KLHL32: variants seen among roughly 807,000 people sequenced by gnomAD.
KLHL32 encodes kelch-like protein 32.
A neutral mutation model predicts 64.8 loss-of-function variants in KLHL32; 35 were observed. The observed-to-expected ratio is 0.54, with a 90% CI of 0.41 to 0.72. The LOEUF is 0.72. KLHL32 is among the 30% of genes least tolerant of loss of function. The pLI is 0.00. For synonymous variants in KLHL32, 259 were observed against 281.0 expected, an observed-to-expected ratio of 0.92 and a Z score of 0.78; for missense variants, 589 against 768.5, an observed-to-expected ratio of 0.77 and a Z score of 2.76.
intron 1 of KLHL32, among the ~76,000 whole-genome samples, chr6:96,962,064 A>G (rs904317917): frequency 6.6e-6 from 1 of 152,196 alleles, no homozygotes; most frequent in Non-Finnish European, 1.5e-5. Flanking sequence ...CAGTTTTAAG[A>G]TCAACTAGAA....
chr6:97,027,900 T>C (rs963529544), intron 3 of KLHL32, among the ~76,000 whole-genome samples: 2 of 152,280 alleles, frequency 1.3e-5, no homozygotes, highest in East Asian at 3.9e-4. Flanking sequence ...TGTATATATT[T>C]GAAAGGCTAT....
chr6:97,035,103 T>G (rs1303837634), intron 3 of KLHL32, among the ~76,000 whole-genome samples: 6 of 152,080 alleles, frequency 3.9e-5, no homozygotes. Flanking sequence ...AGTATTTGCC[T>G]TGATTCTTCT....
intron 5 of KLHL32, among the ~76,000 whole-genome samples, chr6:97,073,667 G>T (rs1294371105): frequency 2.0e-5 from 3 of 151,688 alleles, no homozygotes; most frequent in Non-Finnish European, 4.4e-5. Context: ...TAGAAACTTT[G>T]ATTATAAAGT....
At chr6:96,918,249 TA>T in the KLHL32 span, among the ~76,000 whole-genome samples, 1 of 152,210 alleles carries the variant, frequency 6.6e-6, no homozygotes, top group African/African-American at 2.4e-5. Flanking sequence ...AGCTCATAGG[TA>T]AAATACCTTT....
At position 96,933,113 on chromosome 6, in the gene KLHL32, G is replaced by A. The variant is rs112525045; in HGVS notation, c.-66+8087G>A. On this transcript the variant is annotated intron_variant, in intron 1 of 10. Coordinates refer to ENST00000369261, the MANE Select transcript of KLHL32 (RefSeq NM_052904.4). ...ATTTCACTAGCATGGAATTAGGACA[G>A]GATGAATTAGTTACATGGTTTATCT... Among the ~76,000 whole-genome samples, 207 of 152,290 alleles carry A rather than the reference G, an allele frequency of 1.4e-3. 1 individual carries two copies. Among genetic ancestry groups the A allele is most frequent in the African/African-American group, 4.7e-3 (194 of 41,552 alleles).
intron 1 of KLHL32, among the ~76,000 whole-genome samples, chr6:96,962,264 G>A (rs1329231332): frequency 3.9e-5 from 6 of 152,178 alleles, no homozygotes; most frequent in Non-Finnish European, 8.8e-5. Flanking sequence ...TAAGAGGTTA[G>A]ACCCCATCAA....
chr6:96,913,372 A>C, the KLHL32 span, among the ~76,000 whole-genome samples: 1 of 152,206 alleles, frequency 6.6e-6, no homozygotes, highest in Non-Finnish European at 1.5e-5. Context: ...TGTAGGTCCC[A>C]GCTTGACTAT....
At chr6:97,034,000 A>G (rs1284943517) in intron 3 of KLHL32, among the ~76,000 whole-genome samples, 1 of 151,998 alleles carries the variant, frequency 6.6e-6, no homozygotes, top group Admixed American at 6.6e-5. Flanking sequence ...AATCTGTTGA[A>G]TGTTTCCTTT....
intron 1 of KLHL32, among the ~76,000 whole-genome samples, chr6:96,932,253 AAT>A (rs1769997387): frequency 1.1e-5 from 1 of 87,710 alleles, no homozygotes; most frequent in African/African-American, 8.2e-5. Flanking sequence ...ATATGGAATC[AAT>A]GTTTTTTTTT....
intron 6 of KLHL32, among the ~76,000 whole-genome samples, chr6:97,099,218 C>G (rs910965277): frequency 2.0e-5 from 3 of 152,228 alleles, no homozygotes; most frequent in Non-Finnish European, 4.4e-5. Context: ...CTCAAGCAGA[C>G]TCTGTCCACC....
intron 1 of KLHL32, among the ~76,000 whole-genome samples, chr6:96,964,733 A>C (rs1228529518): frequency 1.3e-5 from 2 of 152,252 alleles, no homozygotes; most frequent in African/African-American, 4.8e-5. Context: ...AATCAAGTAT[A>C]TAAATATATG....
At chr6:97,001,743 T>G (rs1204468359) in intron 3 of KLHL32, among the ~76,000 whole-genome samples, 2 of 152,246 alleles carry the variant, frequency 1.3e-5, no homozygotes, top group African/African-American at 4.8e-5. Context: ...ATAGTCATGG[T>G]CTATTAGGTC....
Position 97,090,643 on chromosome 6 carries a change from G to A in KLHL32, c.627+5302G>A, listed in dbSNP as rs188629871. On this transcript the variant is annotated intron_variant, in intron 6 of 10. Transcript: ENST00000369261. ...GTACCTCTGGCCAGGAAGAAGCAAG[G>A]AATTTAAATAGTACTAGATGTCAAA... 9.3e-4 allele frequency among the ~76,000 whole-genome samples: 142 copies of A among 152,194 alleles called. 1 individual carries two copies. Among genetic ancestry groups the A allele is most frequent in the African/African-American group, 3.3e-3 (135 of 41,532 alleles).
chr6:96,979,058 G>A (rs1196242305), intron 3 of KLHL32, among the ~76,000 whole-genome samples: 1 of 152,116 alleles, frequency 6.6e-6, no homozygotes, highest in Non-Finnish European at 1.5e-5. Context: ...ATCTTTGTCA[G>A]ATGCATAGTT....
At chr6:96,924,461 C>T (rs1330314149), upstream of KLHL32, among the ~76,000 whole-genome samples, 2 of 143,756 alleles carry the variant, frequency 1.4e-5, no homozygotes, top group East Asian at 4.1e-4. Flanking sequence ...TGGCAGCTCG[C>T]CGACGGCGGG....
chr6:97,118,681 C>A (rs1302894867), intron 7 of KLHL32, among the ~76,000 whole-genome samples: 1 of 151,132 alleles, frequency 6.6e-6, no homozygotes, highest in Admixed American at 6.6e-5. Flanking sequence ...ATAGCAGAGG[C>A]TGAGTTGTGG....
intron 4 of KLHL32, among the ~76,000 whole-genome samples, chr6:97,044,303 A>T (rs1351600550): frequency 1.3e-5 from 2 of 152,030 alleles, no homozygotes; most frequent in Non-Finnish European, 2.9e-5. Context: ...TTATTTATTA[A>T]TATTTGCATA....
the KLHL32 span, among the ~76,000 whole-genome samples, chr6:96,915,969 G>A: frequency 1.1e-3 from 161 of 152,274 alleles, 2 homozygotes; most frequent in South Asian, 0.032. Context: ...ATTAGCGACA[G>A]AAAGTGTTAA....
the KLHL32 span, among the ~76,000 whole-genome samples, chr6:96,901,122 G>A: frequency 6.6e-6 from 1 of 152,154 alleles, no homozygotes; most frequent in Non-Finnish European, 1.5e-5. Context: ...CAGCAATTAT[G>A]CCCAGATGCC....
Sources: gnomAD v4.1 joint callset for allele counts (sites outside exome capture counted in the v4.1 genomes callset) on GRCh38, gnomAD v4.1.1 for gene constraint, MANE v1.5 for transcripts, NCBI Gene and HGNC (gene_info 2026-07-23, HGNC 2026-07-21) for gene names.